GRIK2: variants seen among roughly 807,000 people sequenced by gnomAD.
GRIK2 encodes glutamate receptor ionotropic, kainate 2.
A neutral mutation model predicts 100.3 loss-of-function variants in GRIK2; 32 were observed. The observed-to-expected ratio is 0.32, with a 90% CI of 0.24 to 0.43. GRIK2 has a LOEUF of 0.43. Among genes scored for constraint, GRIK2 ranks in the 20% least tolerant of loss-of-function variants. GRIK2 has a pLI of 1.00. For missense variants in GRIK2, 843 were observed against 1,114.9 expected (o/e 0.76, Z 3.47); for synonymous variants, 417 against 389.4 (o/e 1.07, Z -0.83).
intron 14 of GRIK2, among the ~76,000 whole-genome samples, chr6:101,947,558 T>C (rs1205218398): frequency 6.6e-6 from 1 of 152,186 alleles, no homozygotes; most frequent in Non-Finnish European, 1.5e-5. Context: ...TTAATAATTA[T>C]GTTGTAGTAA....
intron 10 of GRIK2, among the ~76,000 whole-genome samples, chr6:101,845,170 C>G (rs1208057776): frequency 6.6e-6 from 1 of 152,084 alleles, no homozygotes; most frequent in Non-Finnish European, 1.5e-5. Context: ...CAAGCACACA[C>G]CACCAGGCCT....
rs9498804 is a variant in GRIK2, at chr6:102,020,383, G to A, written c.2086-14958G>A. 8.5e-3 allele frequency among the ~76,000 whole-genome samples: 1,297 copies of A among 151,914 alleles called. 21 individuals carry two copies. The highest frequency in any genetic ancestry group is 0.03 in the African/African-American group (1,255 of 41,472). On this transcript the variant is annotated intron_variant, in intron 14 of 16. Coordinates refer to ENST00000369134, the MANE Select transcript of GRIK2 (RefSeq NM_021956.5). ...GGGATCAACTCAGAATACATCATGGGCAAGTAGAAATTTATAGCCATGGAG... is the reference window on the plus strand; with the variant it reads ...GGGATCAACTCAGAATACATCATGGACAAGTAGAAATTTATAGCCATGGAG...
At chr6:101,485,012 A>G (rs1772743362) in intron 2 of GRIK2, among the ~76,000 whole-genome samples, 2 of 152,166 alleles carry the variant, frequency 1.3e-5, no homozygotes, top group African/African-American at 2.4e-5. Context: ...CATTTCTCCT[A>G]TCAGGAAAAC....
rs651152 is a variant in GRIK2 at position 101,617,358 on chromosome 6, A to T, written c.116-4591A>T. ...GAACAATGAAATCATGCAGCAGTAT[A>T]CTTTTGTGTCTGGCTTCTTTCACTC... On this transcript the variant is annotated intron_variant, in intron 2 of 16. Coordinates refer to ENST00000369134, the MANE Select transcript of GRIK2 (RefSeq NM_021956.5). Among the ~76,000 whole-genome samples, 1,012 of 151,882 alleles carry T rather than the reference A, an allele frequency of 6.7e-3. 16 individuals are homozygous for T. The highest frequency in any genetic ancestry group is 0.024 in the African/African-American group (985 of 41,522).
At chr6:101,511,355 A>G (rs1290633518) in intron 2 of GRIK2, among the ~76,000 whole-genome samples, 1 of 152,140 alleles carries the variant, frequency 6.6e-6, no homozygotes, top group Non-Finnish European at 1.5e-5. Context: ...GTCAGTGAAG[A>G]TCTTTAAGAT....
chr6:101,814,215 A>G (rs546769834), intron 9 of GRIK2, among the ~76,000 whole-genome samples: 42 of 152,260 alleles, frequency 2.8e-4, no homozygotes, highest in Admixed American at 2.2e-3. Flanking sequence ...AACAATGTGA[A>G]AGGAGCAAGG....
intron 2 of GRIK2, among the ~76,000 whole-genome samples, chr6:101,608,813 G>GTA (rs773072482): frequency 9.0e-6 from 1 of 110,580 alleles, no homozygotes; most frequent in South Asian, 2.8e-4. Flanking sequence ...GTGTGTGTGT[G>GTA]TATGTATGTA....
At chr6:101,561,391 G>C (rs79232000) in intron 2 of GRIK2, among the ~76,000 whole-genome samples, 58 of 151,388 alleles carry the variant, frequency 3.8e-4, no homozygotes, top group East Asian at 1.8e-3. Flanking sequence ...AAGAGAGAAG[G>C]GGGGGATGAA....
chr6:101,566,210 GT>G (rs1777268387), intron 2 of GRIK2, among the ~76,000 whole-genome samples: 1 of 151,618 alleles, frequency 6.6e-6, no homozygotes, highest in Admixed American at 6.6e-5. Flanking sequence ...CTGTACAAGT[GT>G]TCTGTCTTCT....
chr6:101,996,636 A>G (rs902455535), intron 14 of GRIK2, among the ~76,000 whole-genome samples: 11 of 152,116 alleles, frequency 7.2e-5, no homozygotes, highest in African/African-American at 2.4e-4. Context: ...CAAACACGTT[A>G]TTGCTGAAGA....
intron 7 of GRIK2, among the ~76,000 whole-genome samples, chr6:101,750,541 T>C: frequency 6.6e-6 from 1 of 152,236 alleles, no homozygotes; most frequent in East Asian, 1.9e-4. Context: ...CATGGCTAGC[T>C]GATTAATGGC....
At chr6:101,997,713 A>T (rs577077632) in intron 14 of GRIK2, among the ~76,000 whole-genome samples, 1 of 152,082 alleles carries the variant, frequency 6.6e-6, no homozygotes, top group African/African-American at 2.4e-5. Flanking sequence ...TATCATCTAC[A>T]TTGATCTGTT....
At chr6:101,857,338 C>G (rs1389551255) in intron 10 of GRIK2, among the ~76,000 whole-genome samples, 1 of 152,214 alleles carries the variant, frequency 6.6e-6, no homozygotes, top group Non-Finnish European at 1.5e-5. Flanking sequence ...ACCAGGACTT[C>G]TCTAACACAC....
chr6:101,434,004 G>A (rs1323536825), intron 2 of GRIK2, among the ~76,000 whole-genome samples: 1 of 152,216 alleles, frequency 6.6e-6, no homozygotes, highest in Non-Finnish European at 1.5e-5. Context: ...TCACTGCAAC[G>A]AGGTGGCCCC....
At chr6:101,449,072 A>G (rs1187659773) in intron 2 of GRIK2, among the ~76,000 whole-genome samples, 3 of 151,656 alleles carry the variant, frequency 2.0e-5, no homozygotes, top group Non-Finnish European at 3.0e-5. Context: ...ATCTTTAAAT[A>G]TTAGTAAAGA....
chr6:101,802,343 G>A lies in GRIK2; in HGVS notation c.1108G>A (p.Gly370Ser). The change falls in exon 9 of 17, where the codon GGC becomes AGC. Residue 370 changes from glycine (G) to serine (S), a missense_variant. By Grantham distance (56) the Gly-to-Ser change is moderately conservative. Coordinates refer to ENST00000369134, the MANE Select transcript of GRIK2 (RefSeq NM_021956.5). ...TCTATTCCCATAGGCACATTGGGAA[G>A]GCCTCACAGGCAGAATAACTTTCAA... ...MSLIKEAHWE[G>S]LTGRITFNKT... The A allele has an allele frequency of 6.5e-7, 1 of 1,527,266 alleles. No individual in the cohort carries two copies. Among genetic ancestry groups the A allele is most frequent in the Non-Finnish European group, 9.0e-7 (1 of 1,114,998 alleles). The allele number at this position is 1,527,266 out of a possible 1,614,324, so 94.6% of individuals were successfully genotyped here. A position where few individuals can be genotyped will look rare whatever the true frequency, so the allele number is the denominator to read the frequency against.
intron 16 of GRIK2, among the ~76,000 whole-genome samples, chr6:102,065,092 A>G (rs1038394885): frequency 6.6e-6 from 1 of 151,322 alleles, no homozygotes; most frequent in Non-Finnish European, 1.5e-5. Context: ...GTATTTTGTC[A>G]TTATGTAATC....
At chr6:101,505,575 C>T (rs1212017462) in intron 2 of GRIK2, among the ~76,000 whole-genome samples, 1 of 152,046 alleles carries the variant, frequency 6.6e-6, no homozygotes, top group African/African-American at 2.4e-5. Context: ...ATAGACATTT[C>T]CTTACTGAAT....
At chr6:101,920,493 T>C (rs1262539514) in intron 12 of GRIK2, among the ~76,000 whole-genome samples, 2 of 151,898 alleles carry the variant, frequency 1.3e-5, no homozygotes, top group Non-Finnish European at 2.9e-5. Flanking sequence ...AAGTACAGTT[T>C]TAGCTGGGCA....
Sources: gnomAD v4.1 joint callset for allele counts (sites outside exome capture counted in the v4.1 genomes callset) on GRCh38, gnomAD v4.1.1 for gene constraint, MANE v1.5 for transcripts, NCBI Gene and HGNC (gene_info 2026-07-23, HGNC 2026-07-21) for gene names.